Variants in DHX57 observed in about 807,000 individuals in gnomAD.
The protein encoded by DHX57 is putative ATP-dependent RNA helicase DHX57.
DHX57 carries 105 observed loss-of-function variants against 156.2 expected under a neutral mutation model. The ratio of observed to expected loss-of-function variants is 0.67; its 90% CI spans 0.57 to 0.79. DHX57 has a LOEUF of 0.79. Among genes scored for constraint, DHX57 ranks in the 30% least tolerant of loss-of-function variants. DHX57 has a pLI of 0.00. For missense variants in DHX57, 1,847 were observed against 1,661.9 expected, an observed-to-expected ratio of 1.11 and a Z score of -1.94; for synonymous variants, 704 against 595.6, an observed-to-expected ratio of 1.18 and a Z score of -2.65.
At position 38,798,149 on chromosome 2, in the gene DHX57, T is replaced by C. The variant is rs546610291; in HGVS notation, c.*150A>G. On this transcript the variant is annotated 3_prime_UTR_variant, in exon 24 of 24. Transcript: ENST00000457308. ...TGTTAGAAATGGCCCTAAGGGTATA[T>C]ACACTGCCTCAGCTGCCTTGGGCTT... 139 of 1,036,894 alleles carry C rather than the reference T, an allele frequency of 1.3e-4. No homozygotes were observed. In the South Asian group the frequency reaches 2.4e-3, roughly 18 times the overall value. 64.2% of individuals were successfully genotyped at this position (1,036,894 alleles called of 1,614,324 possible). A position where few individuals can be genotyped will look rare whatever the true frequency, so the allele number is the denominator to read the frequency against.
chr2:38,862,059 A>G, intron 4 of DHX57, 86 bp downstream of exon 4: 1 of 1,428,674 alleles, frequency 7.0e-7, no homozygotes, highest in Non-Finnish European at 9.4e-7. Flanking sequence ...CATAATAGGA[A>G]AGTACACAAA....
At chr2:38,801,785 T>C (rs1669697074) in intron 23 of DHX57, among the ~76,000 whole-genome samples, 1 of 152,040 alleles carries the variant, frequency 6.6e-6, no homozygotes, top group Non-Finnish European at 1.5e-5. Flanking sequence ...TTAGTAGAGA[T>C]GGGGTTTCAC....
intron 21 of DHX57, chr2:38,811,491 C>T: frequency 3.9e-6 from 3 of 771,382 alleles, no homozygotes; most frequent in South Asian, 1.3e-5. Flanking sequence ...CTTTTTGGAC[C>T]CAAGGTTCAG....
intron 12 of DHX57, among the ~76,000 whole-genome samples, chr2:38,840,036 C>T (rs1304745785): frequency 6.6e-6 from 1 of 151,164 alleles, no homozygotes; most frequent in East Asian, 2.0e-4. Flanking sequence ...AGCCTTGGCC[C>T]TTGGGGTTCA....
intron 19 of DHX57, among the ~76,000 whole-genome samples, chr2:38,817,110 T>C (rs1257235723): frequency 1.3e-5 from 2 of 152,244 alleles, no homozygotes; most frequent in South Asian, 2.1e-4. Flanking sequence ...TTTATATTTT[T>C]TTGTAGAGAT....
At chr2:38,860,490 A>G (rs1673138319) in intron 5 of DHX57, among the ~76,000 whole-genome samples, 1 of 152,112 alleles carries the variant, frequency 6.6e-6, no homozygotes, top group African/African-American at 2.4e-5. Flanking sequence ...GTAAACCTAG[A>G]TCTAGACAAA....
At chr2:38,868,867 T>A (rs6741088) in intron 1 of DHX57, among the ~76,000 whole-genome samples, 85,236 of 151,950 alleles carry the variant, frequency 0.56, 25,123 homozygotes, top group East Asian at 0.81. Context: ...GGCCGGATGA[T>A]CTCAGCTCAC....
chr2:38,875,336 C>T (rs952534937), intron 1 of DHX57, among the ~76,000 whole-genome samples: 4 of 152,116 alleles, frequency 2.6e-5, no homozygotes, highest in African/African-American at 9.7e-5. Context: ...ACACTACTCT[C>T]CTCCCAGGCA....
Position 38,863,525 on chromosome 2 carries a change from G to A in DHX57, c.225-6C>T, listed in dbSNP as rs368114711. 28 of 1,605,700 alleles carry A rather than the reference G, an allele frequency of 1.7e-5. No individual in the cohort carries two copies. The African/African-American group carries it at 2.2e-4, about 12-fold the overall frequency. On this transcript the variant is annotated splice_polypyrimidine_tract_variant and splice_region_variant and intron_variant, in intron 2 of 23. Transcript: ENST00000457308. ...TTATGTTACTGTTGCTAGGTCTATAGAGAACAAAAGAGCAAAATTACACAC... is the reference window on the plus strand; with the variant it reads ...TTATGTTACTGTTGCTAGGTCTATAAAGAACAAAAGAGCAAAATTACACAC...
At chr2:38,841,380 C>A (rs1428165749) in intron 12 of DHX57, among the ~76,000 whole-genome samples, 2 of 152,114 alleles carry the variant, frequency 1.3e-5, no homozygotes, top group South Asian at 2.1e-4. Flanking sequence ...TTTATGAGAG[C>A]CTTGGGAGTT....
chr2:38,875,551 T>C (rs1665571390), intron 1 of DHX57, among the ~76,000 whole-genome samples: 1 of 148,510 alleles, frequency 6.7e-6, no homozygotes, highest in African/African-American at 2.5e-5. Flanking sequence ...CAACCTGCAG[T>C]TTGAGCGTGG....
chr2:38,838,696 C>T (rs1671817661), intron 12 of DHX57: 1 of 434,218 alleles, frequency 2.3e-6, no homozygotes, highest in African/African-American at 2.0e-5. Context: ...GAGACCCCAG[C>T]TTTCACCAGC....
chr2:38,863,292 T>C lies in DHX57; in HGVS notation c.383+69A>G, dbSNP rs981714356. The C allele has an allele frequency of 9.4e-6, 14 of 1,495,886 alleles. No individual in the cohort carries two copies. The South Asian group carries it at 1.0e-4, about 11-fold the overall frequency. 92.7% of individuals were successfully genotyped at this position (1,495,886 alleles called of 1,614,324 possible). ...CAGTACTGACACAGCATTCCAAAGA[T>C]GCACAGGACCTTCACACTGCCAGTA... is the stretch of plus-strand genomic sequence containing the variant. On this transcript the variant is annotated intron_variant, in intron 3 of 23. Transcript: ENST00000457308.
intron 2 of DHX57, among the ~76,000 whole-genome samples, chr2:38,865,631 C>A (rs944664831): frequency 8.5e-5 from 13 of 152,230 alleles, no homozygotes; most frequent in African/African-American, 2.9e-4. Flanking sequence ...TATCTAACAC[C>A]TCACACATTT....
Position 38,813,870 on chromosome 2 carries a change from T to C in DHX57, c.3632A>G (p.Lys1211Arg). The C allele has an allele frequency of 6.2e-7, 1 of 1,613,588 alleles. No homozygotes were observed. Among genetic ancestry groups the C allele is most frequent in the South Asian group, 1.1e-5 (1 of 91,078 alleles). ...EEANSNAENP[K>R]LISAMLCAAL... ...AGCACACAGCATTGCTGATATCAGC[T>C]TGGGGTTCTCAGCATTTGAGTTTGC... The change falls in exon 21 of 24, where the codon AAG (lysine) becomes AGG (arginine). Residue 1211 changes from lysine (K) to arginine (R), a missense_variant. Lys to Arg is a conservative substitution (Grantham distance 26). Transcript: ENST00000457308.
In DHX57 at chr2:38,837,928, GATGA is replaced by G; in HGVS notation, c.2441_2444del (p.Val814AlafsTer12). Reference sequence around the variant, plus strand: ...CAAAATCCATGATGGACATTGTTTTGATGACTGACTTGCTAACCCCTGAAAGAAA... The same window carrying G: ...CAAAATCCATGATGGACATTGTTTTGCTGACTTGCTAACCCCTGAAAGAAA... On this transcript the variant is annotated frameshift_variant, in exon 13 of 24. Transcript: ENST00000457308. LOFTEE classifies it high-confidence loss of function. The G allele has an allele frequency of 6.2e-7, 1 of 1,612,168 alleles. No individual in the cohort carries two copies. Among genetic ancestry groups the G allele is most frequent in the Non-Finnish European group, 8.5e-7 (1 of 1,178,330 alleles).
chr2:38,837,777 G>T, intron 13 of DHX57, 54 bp downstream of exon 13: 5 of 1,098,982 alleles, frequency 4.5e-6, no homozygotes, highest in Non-Finnish European at 7.0e-6. Flanking sequence ...CTCCCATTTA[G>T]CCAAGGACTA....
At chr2:38,873,296 C>T (rs1665440654) in intron 1 of DHX57, among the ~76,000 whole-genome samples, 1 of 152,030 alleles carries the variant, frequency 6.6e-6, no homozygotes, top group Non-Finnish European at 1.5e-5. Flanking sequence ...CAGCCATAAA[C>T]CTCAATAAAT....
chr2:38,855,227 G>A lies in DHX57; in HGVS notation c.1735C>T (p.Gln579Ter), dbSNP rs1672834635. The A allele has an allele frequency of 5.0e-6, 8 of 1,614,132 alleles. No individual in the cohort carries two copies. The highest frequency in any genetic ancestry group is 6.8e-6 in the Non-Finnish European group (8 of 1,180,020). Residue 579 changes from glutamine to a stop codon, truncating the protein, a stop_gained, in exon 8 of 24, where the codon CAG (glutamine) becomes TAG (stop). Coordinates refer to ENST00000457308, the MANE Select transcript of DHX57 (RefSeq NM_198963.3). LOFTEE classifies it high-confidence loss of function. ...TTCAGAGAATCATCCAGAATAAACTGCGGAATTTGTGTGGTTTTCCCACAT... is the reference window on the plus strand; with the variant it reads ...TTCAGAGAATCATCCAGAATAAACTACGGAATTTGTGTGGTTTTCCCACAT... ...TGCGKTTQIPQFILDDSLNGP... is the reference protein window; with the variant it reads ...TGCGKTTQIP
Sources: gnomAD v4.1 joint callset for allele counts (sites outside exome capture counted in the v4.1 genomes callset) on GRCh38, gnomAD v4.1.1 for gene constraint, MANE v1.5 for transcripts, NCBI Gene and HGNC (gene_info 2026-07-23, HGNC 2026-07-21) for gene names.